DDX60L: variants seen among roughly 807,000 people sequenced by gnomAD.
The protein encoded by DDX60L is probable ATP-dependent RNA helicase DDX60-like.
DDX60L carries 191 observed loss-of-function variants against 211.6 expected under a neutral mutation model. The observed-to-expected ratio is 0.90, with a 90% CI of 0.80 to 1.02. The LOEUF (loss-of-function observed/expected upper bound fraction) is 1.02, where lower values mean the gene tolerates loss of function less well. Among genes scored for constraint, DDX60L ranks in the 50% least tolerant of loss-of-function variants. DDX60L has a pLI of 0.00. For synonymous variants in DDX60L, 706 were observed against 694.1 expected (o/e 1.02, Z -0.27); for missense variants, 2,007 against 1,984.1 (o/e 1.01, Z -0.22).
intron 26 of DDX60L, among the ~76,000 whole-genome samples, chr4:168,398,098 C>T (rs10030331): frequency 0.032 from 4,925 of 152,226 alleles, 268 homozygotes; most frequent in African/African-American, 0.11. Context: ...CAACTGTGGA[C>T]CCAGGCATCT....
chr4:168,459,754 G>GGGAGGGGAGGAAGGAA (rs1757049508), intron 5 of DDX60L, among the ~76,000 whole-genome samples: 1 of 60,466 alleles, frequency 1.7e-5, no homozygotes, highest in African/African-American at 5.3e-5. Context: ...AGACACCAAA[G>GGGAGGGGAGGAAGGAA]GGAGGGAAGG....
intron 5 of DDX60L, among the ~76,000 whole-genome samples, chr4:168,459,952 T>C (rs1221497639): frequency 1.3e-5 from 2 of 152,130 alleles, no homozygotes; most frequent in South Asian, 4.1e-4. Context: ...CATCTGTATG[T>C]CTTAATTACA....
At chr4:168,461,475 C>T (rs1445459121) in intron 5 of DDX60L, among the ~76,000 whole-genome samples, 1 of 152,066 alleles carries the variant, frequency 6.6e-6, no homozygotes, top group Non-Finnish European at 1.5e-5. Context: ...ATGCTACAAA[C>T]CTTATAGGAG....
At chr4:168,360,004 T>A in intron 37 of DDX60L, among the ~76,000 whole-genome samples, 1 of 152,244 alleles carries the variant, frequency 6.6e-6, no homozygotes, top group East Asian at 1.9e-4. Context: ...GTATAATTAA[T>A]CTACTTAATG....
intron 9 of DDX60L, among the ~76,000 whole-genome samples, chr4:168,447,527 A>C (rs1755003502): frequency 6.6e-6 from 1 of 152,088 alleles, no homozygotes. Flanking sequence ...CCATCCCATT[A>C]CTGGGTATAT....
At chr4:168,427,527 T>C (rs573505206) in intron 13 of DDX60L, among the ~76,000 whole-genome samples, 32 of 152,214 alleles carry the variant, frequency 2.1e-4, no homozygotes, top group Non-Finnish European at 3.2e-4. Flanking sequence ...GTAAATTGCC[T>C]CTTACTGCAG....
intron 9 of DDX60L, among the ~76,000 whole-genome samples, chr4:168,446,105 C>T (rs1280399009): frequency 1.7e-4 from 25 of 150,712 alleles, no homozygotes; most frequent in Admixed American, 3.3e-4. Flanking sequence ...TGTTTGCAGA[C>T]GACATGATTG....
chr4:168,378,270 A>T, intron 33 of DDX60L, 84 bp downstream of exon 33: 1 of 719,718 alleles, frequency 1.4e-6, no homozygotes, highest in Non-Finnish European at 2.1e-6. Context: ...ATATTAATTT[A>T]ACCCTATAGG....
intron 28 of DDX60L, among the ~76,000 whole-genome samples, chr4:168,392,840 CAAAA>C (rs60915238): frequency 7.9e-6 from 1 of 126,604 alleles, no homozygotes. Context: ...AACTCTGTCT[CAAAA>C]AAAAAAAAAA....
intron 29 of DDX60L, among the ~76,000 whole-genome samples, chr4:168,386,559 C>T (rs1366594859): frequency 2.1e-5 from 3 of 143,452 alleles, no homozygotes; most frequent in Non-Finnish European, 4.5e-5. Flanking sequence ...TAAAGAAGGA[C>T]TTCTAATATG....
chr4:168,464,726 C>T (rs1230497062), intron 4 of DDX60L, among the ~76,000 whole-genome samples: 1 of 152,070 alleles, frequency 6.6e-6, no homozygotes, highest in Non-Finnish European at 1.5e-5. Context: ...CAAATCTGCT[C>T]TTCTAACTAT....
intron 10 of DDX60L, among the ~76,000 whole-genome samples, chr4:168,436,981 A>G (rs1753120125): frequency 6.6e-6 from 1 of 152,192 alleles, no homozygotes; most frequent in Admixed American, 6.5e-5. Context: ...GGGGTAAGAA[A>G]AAGTATGTCC....
At chr4:168,456,403 A>G (rs899084511) in intron 6 of DDX60L, among the ~76,000 whole-genome samples, 1 of 152,198 alleles carries the variant, frequency 6.6e-6, no homozygotes, top group East Asian at 1.9e-4. Context: ...ATTAAGATTT[A>G]GTAAAACATG....
intron 10 of DDX60L, among the ~76,000 whole-genome samples, chr4:168,433,527 A>G (rs1046182534): frequency 2.0e-5 from 3 of 152,180 alleles, no homozygotes; most frequent in African/African-American, 7.2e-5. Flanking sequence ...GAAAAAATTA[A>G]TAATAAAAGT....
intron 36 of DDX60L, 62 bp from the exon 37 acceptor site, chr4:168,361,273 C>A (rs1045421413): frequency 6.9e-6 from 8 of 1,157,956 alleles, no homozygotes; most frequent in Non-Finnish European, 1.0e-5. Flanking sequence ...AGAATTAACT[C>A]AAACTTTAAT....
In DDX60L at chr4:168,477,249, A is replaced by G. The variant is rs1450263971; in HGVS notation, c.-111+3128T>C. Among the ~76,000 whole-genome samples, 5 of 152,182 alleles carry G rather than the reference A, an allele frequency of 3.3e-5. No homozygotes were observed. In the South Asian group the frequency reaches 6.2e-4, roughly 19 times the overall value. On this transcript the variant is annotated intron_variant, in intron 1 of 37. Coordinates refer to ENST00000682922, the MANE Select transcript of DDX60L (RefSeq NM_001012967.3). ...GCTAACATGGTGAAACCCTGTCTCT[A>G]CTAAAAATACAAAAAATTAGCCGGG... is the stretch of plus-strand genomic sequence containing the variant.
At chr4:168,358,827 CT>C (rs1738616996) in intron 37 of DDX60L, among the ~76,000 whole-genome samples, 1 of 152,222 alleles carries the variant, frequency 6.6e-6, no homozygotes, top group East Asian at 1.9e-4. Flanking sequence ...CACAGTTCCT[CT>C]TTATATTACA....
rs148809229 is a variant in DDX60L, at chr4:168,421,998, G to A, written c.2245-89C>T. ...GTATCCTTTGTACCTTCTGTCTCCT[G>A]TGCCTGTATTATGCTACCTTTGGGG... On this transcript the variant is annotated intron_variant, in intron 16 of 37. Transcript: ENST00000682922. 5.5e-4 allele frequency: 851 copies of A among 1,534,094 alleles called. 2 individuals are homozygous for A. In the African/African-American group the frequency reaches 0.011, roughly 19 times the overall value.
At chr4:168,473,358 T>C (rs371504349) in intron 1 of DDX60L, among the ~76,000 whole-genome samples, 1 of 152,134 alleles carries the variant, frequency 6.6e-6, no homozygotes, top group African/African-American at 2.4e-5. Flanking sequence ...AGAGAGCAGA[T>C]TGGATGGGGA....
Sources: gnomAD v4.1 joint callset for allele counts (sites outside exome capture counted in the v4.1 genomes callset) on GRCh38, gnomAD v4.1.1 for gene constraint, MANE v1.5 for transcripts, NCBI Gene and HGNC (gene_info 2026-07-23, HGNC 2026-07-21) for gene names.